Variants in SMAD2 observed in about 807,000 individuals in gnomAD.
SMAD2 encodes the protein MAD homolog 2.
SMAD2 carries 8 observed loss-of-function variants against 64.4 expected under a neutral mutation model. The observed-to-expected ratio is 0.12, with a 90% CI of 0.07 to 0.22. The LOEUF is 0.22. Ranked by LOEUF, SMAD2 falls within the 10% of genes least tolerant of loss-of-function variation. SMAD2 has a pLI of 1.00. For missense variants in SMAD2, 289 were observed against 561.2 expected, an observed-to-expected ratio of 0.51 and a Z score of 4.90; for synonymous variants, 203 against 195.8, an observed-to-expected ratio of 1.04 and a Z score of -0.31.
intron 2 of SMAD2, among the ~76,000 whole-genome samples, chr18:47,881,086 G>T (rs2032559602): frequency 9.4e-6 from 1 of 106,416 alleles, no homozygotes; most frequent in Admixed American, 1.1e-4. Context: ...CTGTAAAACA[G>T]AAAATTCGCC....
rs551438135 is a variant in SMAD2 at position 47,899,647 on chromosome 18, C to T, written c.-53-2838G>A. Among the ~76,000 whole-genome samples the T allele has an allele frequency of 2.6e-5, 4 of 152,256 alleles. No homozygotes were observed. In the South Asian group the frequency reaches 6.2e-4, roughly 24 times the overall value. Reference sequence around the variant, plus strand: ...GCTAATCTGGAGACCTAAAAAGAGCCATTAAAGGCTGAGCTCTTTATACAA... The same window carrying T: ...GCTAATCTGGAGACCTAAAAAGAGCTATTAAAGGCTGAGCTCTTTATACAA... On this transcript the variant is annotated intron_variant, in intron 1 of 10. Transcript: ENST00000262160.
At chr18:47,918,071 G>C (rs564817172) in intron 1 of SMAD2, among the ~76,000 whole-genome samples, 1 of 152,298 alleles carries the variant, frequency 6.6e-6, no homozygotes, top group South Asian at 2.1e-4. Flanking sequence ...CAGGAACTGA[G>C]GGCCAGGCAG....
rs898783059 is a variant in SMAD2, at chr18:47,828,183, G to C, written c.*13644C>G. ...GCCCAGCAACCACCCCGTCCGGGAA[G>C]TAAGGAGCGTCTCCGCCCAGCAGCC... On this transcript the variant is annotated 3_prime_UTR_variant, in exon 11 of 11. Coordinates refer to ENST00000262160, the MANE Select transcript of SMAD2 (RefSeq NM_005901.6). 6.3e-6 allele frequency: 1 copy of C among 157,700 alleles called. No homozygotes were observed. Among genetic ancestry groups the C allele is most frequent in the Non-Finnish European group, 1.4e-5 (1 of 72,528 alleles). 9.8% of individuals were successfully genotyped at this position (157,700 alleles called of 1,614,324 possible). A position where few individuals can be genotyped will look rare whatever the true frequency, so the allele number is the denominator to read the frequency against.
intron 2 of SMAD2, among the ~76,000 whole-genome samples, chr18:47,876,378 C>T (rs1002245667): frequency 2.0e-5 from 3 of 152,012 alleles, no homozygotes; most frequent in Non-Finnish European, 4.4e-5. Flanking sequence ...TAACTAACTA[C>T]AATGATGTCC....
chr18:47,909,168 T>C (rs1182165119), intron 1 of SMAD2, among the ~76,000 whole-genome samples: 1 of 152,140 alleles, frequency 6.6e-6, no homozygotes, highest in Non-Finnish European at 1.5e-5. Flanking sequence ...TGATCTCATA[T>C]TGAAAATGCA....
rs1912961320 is a variant in SMAD2 at position 47,830,859 on chromosome 18, A to G, written c.*10968T>C. The G allele has an allele frequency of 6.4e-6, 1 of 156,242 alleles. No homozygotes were observed. The highest frequency in any genetic ancestry group is 1.4e-5 in the Non-Finnish European group (1 of 70,216). The allele number at this position is 156,242 out of a possible 1,614,324, so 9.7% of individuals were successfully genotyped here. A position where few individuals can be genotyped will look rare whatever the true frequency, so the allele number is the denominator to read the frequency against. ...AGGCCTCTGATTTGCTACTTATTAG[A>G]AAAATCCACATATATACAAAACTCT... On this transcript the variant is annotated 3_prime_UTR_variant, in exon 11 of 11. Coordinates refer to ENST00000262160, the MANE Select transcript of SMAD2 (RefSeq NM_005901.6).
chr18:47,867,695 C>G (rs1305068720), intron 5 of SMAD2, among the ~76,000 whole-genome samples: 1 of 149,916 alleles, frequency 6.7e-6, no homozygotes, highest in South Asian at 2.1e-4. Context: ...ACGAAAAGGC[C>G]AGATATCATA....
intron 2 of SMAD2, among the ~76,000 whole-genome samples, chr18:47,881,743 A>G (rs182935214): frequency 6.6e-6 from 1 of 152,314 alleles, no homozygotes; most frequent in East Asian, 1.9e-4. Flanking sequence ...CAGACTGAGA[A>G]AGTCTCTTTG....
upstream of SMAD2, chr18:47,930,841 C>G (rs1399630620): frequency 6.7e-5 from 10 of 148,728 alleles, no homozygotes; most frequent in Admixed American, 6.7e-4. Context: ...AGCTGCTTCT[C>G]CGCCGCCGCG....
At chr18:47,906,677 G>A (rs951969908) in intron 1 of SMAD2, among the ~76,000 whole-genome samples, 2 of 152,190 alleles carry the variant, frequency 1.3e-5, no homozygotes, top group Non-Finnish European at 2.9e-5. Context: ...CAGTCACAGT[G>A]TTGGCAGGAC....
rs1222147842 is a variant in SMAD2 at position 47,911,037 on chromosome 18, T to C, written c.-53-14228A>G. ...CCTCAAACTGAGGATATTCAGCCCT[T>C]GGTATAATTTGCTAGAAAATAATGG... On this transcript the variant is annotated intron_variant, in intron 1 of 10. Transcript: ENST00000262160. Among the ~76,000 whole-genome samples the C allele has an allele frequency of 3.9e-5, 6 of 152,250 alleles. No individual in the cohort carries two copies. In the South Asian group the frequency reaches 8.3e-4, roughly 21 times the overall value.
At chr18:47,928,274 A>G (rs1023835478) in intron 1 of SMAD2, among the ~76,000 whole-genome samples, 2 of 152,358 alleles carry the variant, frequency 1.3e-5, no homozygotes, top group Non-Finnish European at 2.9e-5. Flanking sequence ...AAACCAAACA[A>G]GAACAAGGAA....
rs2144373231 is a variant in SMAD2 at position 47,868,377 on chromosome 18, G to C, written c.601C>G (p.Pro201Ala). The change falls in exon 5 of 11, where the codon CCA becomes GCA. Residue 201 changes from proline (P) to alanine (A), a missense_variant. By Grantham distance (27) the Pro-to-Ala change is conservative. Coordinates refer to ENST00000262160, the MANE Select transcript of SMAD2 (RefSeq NM_005901.6). ...CCTGCTGGGAAGTTAGTGTTTTCTG[G>C]AATGGAGTGAGTATAGTCATCCAGA... ...PPLDDYTHSI[P>A]ENTNFPAGIE... 1 of 1,611,548 alleles carries C rather than the reference G, an allele frequency of 6.2e-7. No individual in the cohort carries two copies. Among genetic ancestry groups the C allele is most frequent in the Non-Finnish European group, 8.5e-7 (1 of 1,177,960 alleles).
rs1043435329 is a variant in SMAD2 at position 47,839,248 on chromosome 18, G to A, written c.*2579C>T. On this transcript the variant is annotated 3_prime_UTR_variant, in exon 11 of 11. Coordinates refer to ENST00000262160, the MANE Select transcript of SMAD2 (RefSeq NM_005901.6). Reference sequence around the variant, plus strand: ...GCTCCACTACTGAAACAGCATAGTAGGCACTGCTTGACCTAACACAGTAAT... The same window carrying A: ...GCTCCACTACTGAAACAGCATAGTAAGCACTGCTTGACCTAACACAGTAAT... 1 of 233,158 alleles carries A rather than the reference G, an allele frequency of 4.3e-6. No individual in the cohort carries two copies. The highest frequency in any genetic ancestry group is 2.2e-5 in the African/African-American group (1 of 45,284). The allele number at this position is 233,158 out of a possible 1,614,324, so 14.4% of individuals were successfully genotyped here.
rs1913647768 is a variant in SMAD2, at chr18:47,838,491, T to C, written c.*3336A>G. 4.3e-6 allele frequency: 1 copy of C among 233,120 alleles called. No individual in the cohort carries two copies. The highest frequency in any genetic ancestry group is 6.0e-5 in the East Asian group (1 of 16,606). 14.4% of individuals were successfully genotyped at this position (233,120 alleles called of 1,614,324 possible). A position where few individuals can be genotyped will look rare whatever the true frequency, so the allele number is the denominator to read the frequency against. On this transcript the variant is annotated 3_prime_UTR_variant, in exon 11 of 11. Transcript: ENST00000262160. ...TGGCTGGGCAAACAACAGGCATCAA[T>C]AAATGTTTACTAACTGAATGTGTAT...
intron 7 of SMAD2, among the ~76,000 whole-genome samples, chr18:47,850,642 TTATG>T (rs1915345542): frequency 2.0e-5 from 1 of 50,384 alleles, no homozygotes; most frequent in Admixed American, 4.7e-4. Context: ...ATTATATATA[TTATG>T]TATAATATAT....
intron 2 of SMAD2, among the ~76,000 whole-genome samples, chr18:47,875,862 A>G (rs1598815426): frequency 1.3e-5 from 2 of 152,234 alleles, no homozygotes; most frequent in East Asian, 3.9e-4. Context: ...TAAAAATAGT[A>G]TCCATCACCT....
Position 47,830,446 on chromosome 18 carries a change from G to C in SMAD2, c.*11381C>G, listed in dbSNP as rs917153293. ...ACAAAAAGTAGTTGGGCGTGGTGGT[G>C]TGTGCCTGTAATCCCAGCTACTCAG... On this transcript the variant is annotated 3_prime_UTR_variant, in exon 11 of 11. Transcript: ENST00000262160. 3.3e-5 allele frequency: 5 copies of C among 151,886 alleles called. No individual in the cohort carries two copies. Among genetic ancestry groups the C allele is most frequent in the Non-Finnish European group, 5.9e-5 (4 of 67,984 alleles). 9.4% of individuals were successfully genotyped at this position (151,886 alleles called of 1,614,324 possible).
chr18:47,848,078 G>C (rs1348152339), intron 8 of SMAD2, among the ~76,000 whole-genome samples: 4 of 150,956 alleles, frequency 2.6e-5, no homozygotes, highest in Non-Finnish European at 4.4e-5. Flanking sequence ...TCACCAAAGG[G>C]GGAAAAAACC....
Sources: gnomAD v4.1 joint callset for allele counts (sites outside exome capture counted in the v4.1 genomes callset) on GRCh38, gnomAD v4.1.1 for gene constraint, MANE v1.5 for transcripts, NCBI Gene and HGNC (gene_info 2026-07-23, HGNC 2026-07-21) for gene names.